Variants in CAPN11 observed in about 807,000 individuals in gnomAD.
The protein encoded by CAPN11 is calpain-11.
In CAPN11, 108 loss-of-function variants were observed where a neutral mutation model predicts 105.3. That is an observed-to-expected ratio of 1.03 (90% CI 0.88 to 1.20). CAPN11 has a LOEUF of 1.20. Ranked by LOEUF, CAPN11 falls within the 50% of genes most tolerant of loss-of-function variation. The pLI, the probability that CAPN11 is intolerant of heterozygous loss-of-function variation, is 0.00. For missense variants in CAPN11, 883 were observed against 924.8 expected (o/e 0.95, Z 0.59); for synonymous variants, 329 against 344.5 (o/e 0.96, Z 0.50).
In CAPN11 at chr6:44,180,772, C is replaced by A. The variant is rs762793018; in HGVS notation, c.1771C>A (p.Leu591Ile). 4 of 1,613,684 alleles carry A rather than the reference C, an allele frequency of 2.5e-6. No homozygotes were observed. The Admixed American group carries it at 6.7e-5, about 27-fold the overall frequency. Residue 591 changes from leucine to isoleucine, a missense_variant, in exon 17 of 23, where the codon CTC (leucine) becomes ATC (isoleucine). Coordinates refer to ENST00000398776, the MANE Select transcript of CAPN11 (RefSeq NM_007058.4). ...GGGCAAGGAGATAGGGGTGTATGAGCTCCAGAGGCTGCTCAACAGGATGGC... is the reference window on the plus strand; with the variant it reads ...GGGCAAGGAGATAGGGGTGTATGAGATCCAGAGGCTGCTCAACAGGATGGC... Reference protein sequence around the residue: ...GEGKEIGVYELQRLLNRMAIK... With the variant: ...GEGKEIGVYEIQRLLNRMAIK...
At chr6:44,162,369 A>AC (rs1491181855) in intron 1 of CAPN11, among the ~76,000 whole-genome samples, 2 of 5,000 alleles carry the variant, frequency 4.0e-4, no homozygotes, top group Non-Finnish European at 1.9e-3. Context: ...TTGAATAAAG[A>AC]CACACACACA....
At chr6:44,171,633 G>A (rs1771021846) in intron 4 of CAPN11, among the ~76,000 whole-genome samples, 2 of 152,092 alleles carry the variant, frequency 1.3e-5, no homozygotes, top group Non-Finnish European at 2.9e-5. Flanking sequence ...TTCAAGACCA[G>A]CCTAGGCAGC....
chr6:44,162,208 G>T (rs369314840), intron 1 of CAPN11, among the ~76,000 whole-genome samples: 47 of 152,006 alleles, frequency 3.1e-4, no homozygotes, highest in Admixed American at 2.9e-3. Flanking sequence ...ATCCTGATCC[G>T]CCAGCTTCAC....
At chr6:44,175,658 T>A (rs559287726) in intron 7 of CAPN11, among the ~76,000 whole-genome samples, 1 of 152,056 alleles carries the variant, frequency 6.6e-6, no homozygotes, top group South Asian at 2.1e-4. Context: ...GCGCCTGTAA[T>A]CCCAGCTACT....
rs1458370219 is a variant in CAPN11 at position 44,177,254 on chromosome 6, C to A, written c.1250C>A (p.Thr417Asn). ...GCRNHPGTFW[T>N]NPQFKISLPE... ...ACTTCCGCCACAGGCACGTTCTGGA[C>A]CAACCCCCAGTTTAAGATCTCTCTT... The change falls in exon 12 of 23, where the codon ACC becomes AAC. Residue 417 changes from threonine (T) to asparagine (N), a missense_variant. Physicochemically the swap from Thr to Asn is moderately conservative, Grantham distance 65. Transcript: ENST00000398776. The A allele has an allele frequency of 6.3e-7, 1 of 1,590,330 alleles. No homozygotes were observed. Among genetic ancestry groups the A allele is most frequent in the Non-Finnish European group, 8.6e-7 (1 of 1,168,340 alleles).
chr6:44,182,548 G>A (rs34186648), intron 19 of CAPN11, among the ~76,000 whole-genome samples: 49,023 of 151,994 alleles, frequency 0.32, 8,336 homozygotes, highest in Non-Finnish European at 0.38. Context: ...TTGGAGGGGG[G>A]CATGGGGTCT....
intron 2 of CAPN11, among the ~76,000 whole-genome samples, chr6:44,167,881 A>G (rs1044781855): frequency 6.6e-6 from 1 of 151,434 alleles, no homozygotes; most frequent in African/African-American, 2.4e-5. Context: ...AAGCCACTGT[A>G]CTCCAGCCAG....
At chr6:44,177,031 A>G in intron 11 of CAPN11, 33 bp downstream of exon 11, 1 of 1,602,602 alleles carries the variant, frequency 6.2e-7, no homozygotes, top group Non-Finnish European at 8.5e-7. Context: ...GGGGGTGTGC[A>G]GGGAGTGAAG....
At chr6:44,168,053 G>A (rs761057417) in intron 2 of CAPN11, among the ~76,000 whole-genome samples, 3 of 152,062 alleles carry the variant, frequency 2.0e-5, no homozygotes, top group East Asian at 1.9e-4. Flanking sequence ...AAAAAACAGA[G>A]TGTATAATTC....
chr6:44,182,269 T>C (rs202202645), intron 19 of CAPN11, among the ~76,000 whole-genome samples: 3,637 of 18,806 alleles, frequency 0.19, 63 homozygotes, highest in Middle Eastern at 0.27. Context: ...CACACACACA[T>C]ACAGACACAA....
In CAPN11 at chr6:44,172,430, A is replaced by C; in HGVS notation, c.528+10A>C. The C allele has an allele frequency of 7.3e-6, 11 of 1,496,910 alleles. No homozygotes were observed. Among genetic ancestry groups the C allele is most frequent in the Non-Finnish European group, 1.0e-5 (11 of 1,098,776 alleles). The allele number at this position is 1,496,910 out of a possible 1,614,324, so 92.7% of individuals were successfully genotyped here. A position where few individuals can be genotyped will look rare whatever the true frequency, so the allele number is the denominator to read the frequency against. On this transcript the variant is annotated intron_variant, in intron 5 of 22. Transcript: ENST00000398776. The stretch of plus-strand genomic sequence containing the variant: ...CATCTTCCATTTTCAGGTGAAGGAC[A>C]GTGTGAGAGCCACTGTGGCTTTGTT...
intron 7 of CAPN11, among the ~76,000 whole-genome samples, chr6:44,174,510 T>C (rs1771589272): frequency 1.5e-5 from 1 of 68,668 alleles, no homozygotes; most frequent in Admixed American, 1.9e-4. Flanking sequence ...AGACCTCATC[T>C]CTACCAAAAA....
chr6:44,181,953 TCACA>T, intron 19 of CAPN11, among the ~76,000 whole-genome samples: 1 of 38,006 alleles, frequency 2.6e-5, no homozygotes, highest in South Asian at 5.9e-4. Flanking sequence ...CACACCACAC[TCACA>T]CACACACATA....
At chr6:44,165,559 G>A (rs988254931) in intron 1 of CAPN11, among the ~76,000 whole-genome samples, 14 of 152,208 alleles carry the variant, frequency 9.2e-5, no homozygotes, top group Admixed American at 3.9e-4. Flanking sequence ...CAATGCAAGG[G>A]ACATAGTGAC....
At chr6:44,163,779 T>G (rs1293903924) in intron 1 of CAPN11, among the ~76,000 whole-genome samples, 1 of 152,218 alleles carries the variant, frequency 6.6e-6, no homozygotes, top group Non-Finnish European at 1.5e-5. Flanking sequence ...CATCACAAGT[T>G]ACAGGCTCTG....
At chr6:44,177,492 CTTTTT>C in intron 12 of CAPN11, 72 bp downstream of exon 12, 1 of 1,044,364 alleles carries the variant, frequency 9.6e-7, no homozygotes. Context: ...TTCTTTCTTT[CTTTTT>C]TTTTTTTCGA....
chr6:44,183,706 A>T lies in CAPN11; in HGVS notation c.2136A>T (p.Thr712=), dbSNP rs911603169. 11 of 1,613,802 alleles carry T rather than the reference A, an allele frequency of 6.8e-6. No individual in the cohort carries two copies. Among genetic ancestry groups the T allele is most frequent in the Non-Finnish European group, 9.3e-6 (11 of 1,179,832 alleles). Reference sequence around the variant, plus strand: ...TCCCCCGCTTCCTCTGTAACGCAGCATTCTTTCTAACCATGGACCCCAAGA... The same window carrying T: ...TCCCCCGCTTCCTCTGTAACGCAGCTTTCTTTCTAACCATGGACCCCAAGA... ...SCFLRLKTMF[T]FFLTMDPKNT... Residue 712 remains threonine (T), a splice_region_variant and synonymous_variant, in exon 22 of 23, where the codon ACA becomes ACT. Coordinates refer to ENST00000398776, the MANE Select transcript of CAPN11 (RefSeq NM_007058.4).
At chr6:44,161,888 A>G (rs967786640) in intron 1 of CAPN11, 4 of 456,044 alleles carry the variant, frequency 8.8e-6, no homozygotes, top group African/African-American at 2.0e-5. Context: ...GGTTTGCCTT[A>G]TCGTGTGAAT....
chr6:44,169,263 T>C lies in CAPN11; in HGVS notation c.89-18T>C. 1.3e-6 allele frequency: 2 copies of C among 1,578,604 alleles called. No homozygotes were observed. Among genetic ancestry groups the C allele is most frequent in the Non-Finnish European group, 1.7e-6 (2 of 1,161,946 alleles). The stretch of plus-strand genomic sequence containing the variant: ...ACATTTTTTACTTGCGTTATTTCTC[T>C]TTTTTTTTCTTAAGCAGAGCCCACT... On this transcript the variant is annotated intron_variant, in intron 2 of 22. Transcript: ENST00000398776.
Sources: gnomAD v4.1 joint callset for allele counts (sites outside exome capture counted in the v4.1 genomes callset) on GRCh38, gnomAD v4.1.1 for gene constraint, MANE v1.5 for transcripts, NCBI Gene and HGNC (gene_info 2026-07-23, HGNC 2026-07-21) for gene names.